Variants in CFAP299 observed in about 807,000 individuals in gnomAD.
CFAP299 encodes the protein cilia and flagella associated protein 299.
Under a neutral mutation model 27.0 loss-of-function variants are expected in CFAP299, and 21 were observed. The observed-to-expected ratio is 0.78, with a 90% CI of 0.55 to 1.12. The LOEUF (loss-of-function observed/expected upper bound fraction) is 1.12. Ranked by LOEUF, CFAP299 falls within the 50% of genes most tolerant of loss-of-function variation. The probability of loss-of-function intolerance (pLI) is 0.00; values close to 1 mark genes in which losing one functional copy is unlikely to be tolerated. For synonymous variants in CFAP299, 104 were observed against 98.1 expected, an observed-to-expected ratio of 1.06 and a Z score of -0.36; for missense variants, 310 against 276.6, an observed-to-expected ratio of 1.12 and a Z score of -0.86.
At chr4:80,348,155 A>G (rs1722835721) in intron 1 of CFAP299, among the ~76,000 whole-genome samples, 2 of 152,226 alleles carry the variant, frequency 1.3e-5, no homozygotes, top group Admixed American at 1.3e-4. Flanking sequence ...CTCAAGATTG[A>G]TTAAAGACTT....
At chr4:80,930,768 C>G (rs114424119) in intron 4 of CFAP299, among the ~76,000 whole-genome samples, 4 of 152,262 alleles carry the variant, frequency 2.6e-5, no homozygotes, top group Non-Finnish European at 5.9e-5. Context: ...ATTCTCCATT[C>G]AGTTTCTCAA....
intron 3 of CFAP299, among the ~76,000 whole-genome samples, chr4:80,599,053 T>C (rs1459476900): frequency 1.3e-5 from 2 of 152,318 alleles, no homozygotes; most frequent in East Asian, 3.9e-4. Flanking sequence ...GTAAAAGCTT[T>C]ATGCAAAATA....
intron 2 of CFAP299, among the ~76,000 whole-genome samples, chr4:80,415,079 C>T (rs1726931683): frequency 6.6e-6 from 1 of 152,124 alleles, no homozygotes; most frequent in African/African-American, 2.4e-5. Context: ...AAAAGAGTCT[C>T]CTAACAGAAG....
At chr4:80,560,284 C>G (rs1392305098) in intron 2 of CFAP299, among the ~76,000 whole-genome samples, 1 of 152,052 alleles carries the variant, frequency 6.6e-6, no homozygotes, top group Non-Finnish European at 1.5e-5. Context: ...AACTGAAGAG[C>G]CCCTGGGCTC....
chr4:80,723,058 A>C (rs1722931639), intron 3 of CFAP299, among the ~76,000 whole-genome samples: 1 of 152,210 alleles, frequency 6.6e-6, no homozygotes, highest in Admixed American at 6.5e-5. Context: ...ATACTACTAC[A>C]TTTCTATTAA....
chr4:80,517,709 C>G (rs1432024603), intron 2 of CFAP299, among the ~76,000 whole-genome samples: 2 of 152,140 alleles, frequency 1.3e-5, no homozygotes, highest in African/African-American at 2.4e-5. Flanking sequence ...AGCCACAGAT[C>G]TATAGTTAGG....
At chr4:80,619,385 T>A (rs1211344443) in intron 3 of CFAP299, among the ~76,000 whole-genome samples, 1 of 152,142 alleles carries the variant, frequency 6.6e-6, no homozygotes, top group Non-Finnish European at 1.5e-5. Context: ...ATAATTAATC[T>A]TTCTGATTGT....
intron 3 of CFAP299, among the ~76,000 whole-genome samples, chr4:80,645,004 C>T (rs962335702): frequency 1.3e-5 from 2 of 152,192 alleles, no homozygotes; most frequent in South Asian, 2.1e-4. Context: ...CACCAGCCCC[C>T]CCTCAGAAAT....
At chr4:80,551,739 A>C (rs944944353) in intron 2 of CFAP299, among the ~76,000 whole-genome samples, 16 of 151,998 alleles carry the variant, frequency 1.1e-4, no homozygotes, top group Admixed American at 5.3e-4. Context: ...TTTCCATGTA[A>C]GTGATATATC....
intron 3 of CFAP299, among the ~76,000 whole-genome samples, chr4:80,866,201 A>G (rs868862696): frequency 1.4e-4 from 21 of 150,706 alleles, no homozygotes; most frequent in African/African-American, 4.6e-4. Flanking sequence ...GAACAGCCAC[A>G]GGTGATTATC....
intron 3 of CFAP299, among the ~76,000 whole-genome samples, chr4:80,715,525 C>T (rs1350092599): frequency 6.6e-6 from 1 of 151,878 alleles, no homozygotes; most frequent in Non-Finnish European, 1.5e-5. Flanking sequence ...TGAGGGTTGT[C>T]ATAAATATTG....
At chr4:80,471,137 G>T (rs1202822487) in intron 2 of CFAP299, among the ~76,000 whole-genome samples, 1 of 152,080 alleles carries the variant, frequency 6.6e-6, no homozygotes, top group Non-Finnish European at 1.5e-5. Context: ...CCTCATAGTA[G>T]TAGATTGTCA....
At chr4:80,704,735 A>G (rs1560708830) in intron 3 of CFAP299, among the ~76,000 whole-genome samples, 3 of 151,866 alleles carry the variant, frequency 2.0e-5, no homozygotes, top group Non-Finnish European at 4.4e-5. Flanking sequence ...ATCTAATATA[A>G]TACCAGCTCT....
intron 2 of CFAP299, among the ~76,000 whole-genome samples, chr4:80,540,884 A>G (rs1253355729): frequency 6.6e-6 from 1 of 152,180 alleles, no homozygotes; most frequent in African/African-American, 2.4e-5. Context: ...ACTATCTAAC[A>G]AACCCTTTCA....
intron 3 of CFAP299, among the ~76,000 whole-genome samples, chr4:80,860,602 C>G (rs184826023): frequency 0.011 from 1,735 of 152,232 alleles, 28 homozygotes; most frequent in African/African-American, 0.04. Flanking sequence ...GATGTGCTTT[C>G]TGTTTGTTAG....
chr4:80,354,187 A>G (rs1026210070), intron 1 of CFAP299, among the ~76,000 whole-genome samples: 1 of 152,202 alleles, frequency 6.6e-6, no homozygotes, highest in Non-Finnish European at 1.5e-5. Context: ...TCTCACTAGT[A>G]ATCAAAGCAA....
chr4:80,827,619 GT>G (rs1730056800), intron 3 of CFAP299, among the ~76,000 whole-genome samples: 1 of 151,996 alleles, frequency 6.6e-6, no homozygotes, highest in East Asian at 1.9e-4. Flanking sequence ...AAGACTGAAA[GT>G]TTTTTCTCTA....
intron 3 of CFAP299, among the ~76,000 whole-genome samples, chr4:80,628,357 T>G (rs1739025016): frequency 1.3e-5 from 2 of 152,102 alleles, no homozygotes; most frequent in African/African-American, 4.8e-5. Context: ...GACTTACATG[T>G]AAGACCCAAA....
chr4:80,437,412 T>A (rs1320191012), intron 2 of CFAP299, among the ~76,000 whole-genome samples: 1 of 152,196 alleles, frequency 6.6e-6, no homozygotes, highest in Non-Finnish European at 1.5e-5. Flanking sequence ...GGTCAATTTA[T>A]TATTCACAGA....
Sources: gnomAD v4.1 joint callset for allele counts (sites outside exome capture counted in the v4.1 genomes callset) on GRCh38, gnomAD v4.1.1 for gene constraint, MANE v1.5 for transcripts, NCBI Gene and HGNC (gene_info 2026-07-23, HGNC 2026-07-21) for gene names.